The following DPH6 variants were observed in gnomAD, a reference collection of about 807,000 sequenced individuals.
DPH6 encodes the protein diphthine--ammonia ligase.
Under a neutral mutation model 38.2 loss-of-function variants are expected in DPH6, and 33 were observed. The ratio of observed to expected loss-of-function variants is 0.86; its 90% CI spans 0.65 to 1.15. The LOEUF (loss-of-function observed/expected upper bound fraction) is 1.15. Among genes scored for constraint, DPH6 ranks in the 50% most tolerant of loss-of-function variants. The pLI, the probability that DPH6 is intolerant of heterozygous loss-of-function variation, is 0.00. For missense variants in DPH6, 325 were observed against 320.0 expected (o/e 1.02, Z -0.12); for synonymous variants, 108 against 103.0 (o/e 1.05, Z -0.30).
At chr15:35,426,443 A>C (rs1192830492) in intron 5 of DPH6, among the ~76,000 whole-genome samples, 2 of 151,844 alleles carry the variant, frequency 1.3e-5, no homozygotes, top group Non-Finnish European at 3.0e-5. Flanking sequence ...GAATGATTTT[A>C]ATTATGTCCA....
chr15:35,525,002 A>C (rs1373463334), intron 3 of DPH6, among the ~76,000 whole-genome samples: 1 of 152,190 alleles, frequency 6.6e-6, no homozygotes, highest in East Asian at 1.9e-4. Flanking sequence ...ACAACAAAAA[A>C]ATTTGAATAC....
chr15:35,491,118 T>C (rs558762443), intron 3 of DPH6, among the ~76,000 whole-genome samples: 5 of 152,198 alleles, frequency 3.3e-5, no homozygotes, highest in Middle Eastern at 3.4e-3. Flanking sequence ...CAATTAAACT[T>C]CAACATGAGT....
the DPH6 span, among the ~76,000 whole-genome samples, chr15:35,200,431 T>C: frequency 6.6e-6 from 1 of 152,154 alleles, no homozygotes; most frequent in Non-Finnish European, 1.5e-5. Context: ...TGTTGGACTG[T>C]ATCCTAAAAA....
intron 5 of DPH6, among the ~76,000 whole-genome samples, chr15:35,436,276 C>T (rs62003573): frequency 0.017 from 2,522 of 151,486 alleles, 35 homozygotes; most frequent in Middle Eastern, 0.079. Flanking sequence ...ACCATCTTGG[C>T]TAACATGGTG....
chr15:35,176,251 T>A, the DPH6 span, among the ~76,000 whole-genome samples: 1 of 152,224 alleles, frequency 6.6e-6, no homozygotes, highest in African/African-American at 2.4e-5. Flanking sequence ...CTTACTCTTA[T>A]CACTACGTCT....
At chr15:35,263,251 C>T (rs1355428288) in intron 3 of DPH6, among the ~76,000 whole-genome samples, 1 of 152,064 alleles carries the variant, frequency 6.6e-6, no homozygotes, top group African/African-American at 2.4e-5. Context: ...CTTCACAACC[C>T]TCCAGTGAGA....
At chr15:35,474,658 A>G (rs764205357) in intron 3 of DPH6, among the ~76,000 whole-genome samples, 37 of 152,186 alleles carry the variant, frequency 2.4e-4, no homozygotes, top group Non-Finnish European at 5.0e-4. Flanking sequence ...TTTAAACACT[A>G]CGTAAATGTA....
intron 3 of DPH6, chr15:35,520,230 C>CAAAAAAAAAAAAAAAA (rs879230191): frequency 8.4e-6 from 3 of 356,818 alleles, no homozygotes; most frequent in Admixed American, 2.7e-4. Flanking sequence ...CAAAAAAAAA[C>CAAAAAAAAAAAAAAAA]AAAAAAAAAA....
At chr15:35,384,497 C>A (rs527679629) in intron 6 of DPH6, among the ~76,000 whole-genome samples, 2 of 152,032 alleles carry the variant, frequency 1.3e-5, no homozygotes, top group South Asian at 2.1e-4. Flanking sequence ...TCATGACAAT[C>A]AAAAATGTCT....
rs566899456 is a variant in DPH6, at chr15:35,227,766, T to C, written n.201-7184A>G. Among the ~76,000 whole-genome samples the C allele has an allele frequency of 1.5e-4, 23 of 152,160 alleles. No individual in the cohort carries two copies. In the East Asian group the frequency reaches 4.1e-3, roughly 27 times the overall value. ...TTTTTGATGTAGGCATTTATAGATA[T>C]AAACTTCTCTCTTAGTACCATTTTT... On this transcript the variant is annotated intron_variant and non_coding_transcript_variant, in intron 3 of 3. Coordinates refer to the DPH6 transcript ENST00000560386.
the DPH6 span, among the ~76,000 whole-genome samples, chr15:35,169,020 T>C: frequency 6.6e-6 from 1 of 152,042 alleles, no homozygotes; most frequent in Non-Finnish European, 1.5e-5. Flanking sequence ...TCTAGAAAGG[T>C]TTTTGCTTTA....
At chr15:35,192,497 C>T in the DPH6 span, among the ~76,000 whole-genome samples, 1 of 152,112 alleles carries the variant, frequency 6.6e-6, no homozygotes, top group Non-Finnish European at 1.5e-5. Flanking sequence ...AATGTTTACT[C>T]ATCATTTCCT....
chr15:35,511,597 ACTC>A (rs1351072726), intron 3 of DPH6, among the ~76,000 whole-genome samples: 8 of 152,058 alleles, frequency 5.3e-5, no homozygotes, highest in African/African-American at 1.9e-4. Context: ...GAGCAGCGAT[ACTC>A]CTCTCAACAA....
chr15:35,275,975 T>C (rs2051856267), intron 3 of DPH6, among the ~76,000 whole-genome samples: 1 of 152,204 alleles, frequency 6.6e-6, no homozygotes. Flanking sequence ...GTAGTGGGAC[T>C]GCTGGATCAA....
At chr15:35,478,790 T>C (rs1399250107) in intron 3 of DPH6, among the ~76,000 whole-genome samples, 1 of 152,056 alleles carries the variant, frequency 6.6e-6, no homozygotes, top group Non-Finnish European at 1.5e-5. Flanking sequence ...TGCCTGATTA[T>C]TTTAATAAGA....
At chr15:35,424,941 A>G (rs562902682) in intron 5 of DPH6, among the ~76,000 whole-genome samples, 40 of 151,658 alleles carry the variant, frequency 2.6e-4, no homozygotes, top group Non-Finnish European at 5.0e-4. Context: ...GAAACTTTGG[A>G]GAACCCTGAT....
intron 5 of DPH6, among the ~76,000 whole-genome samples, chr15:35,414,017 A>AC (rs1466699329): frequency 1.3e-5 from 2 of 151,640 alleles, no homozygotes; most frequent in East Asian, 3.9e-4. Flanking sequence ...AGAACTTAGT[A>AC]TGTTTTAACT....
At chr15:35,210,233 C>T in the DPH6 span, among the ~76,000 whole-genome samples, 1 of 152,208 alleles carries the variant, frequency 6.6e-6, no homozygotes, top group African/African-American at 2.4e-5. Flanking sequence ...TCTCTTCATT[C>T]AAGCTATTAC....
At chr15:35,334,929 T>A (rs1273902902) in intron 3 of DPH6, among the ~76,000 whole-genome samples, 1 of 152,194 alleles carries the variant, frequency 6.6e-6, no homozygotes, top group African/African-American at 2.4e-5. Context: ...GTAATGGTAT[T>A]GCTGGGTCAA....
Sources: allele counts gnomAD v4.1 joint callset (sites outside exome capture counted in the v4.1 genomes callset), GRCh38; gene constraint gnomAD v4.1.1; transcripts MANE v1.5; gene names NCBI Gene and HGNC (gene_info 2026-07-23, HGNC 2026-07-21).